SBF2: variants seen among roughly 807,000 people sequenced by gnomAD.
The protein encoded by SBF2 is SET binding factor 2.
A neutral mutation model predicts 225.2 loss-of-function variants in SBF2; 112 were observed. The ratio of observed to expected loss-of-function variants is 0.50; its 90% confidence interval spans 0.43 to 0.58. SBF2 has a LOEUF of 0.58. Ranked by LOEUF, SBF2 falls within the 20% of genes least tolerant of loss-of-function variation. The pLI is 0.00. For synonymous variants in SBF2, 763 were observed against 773.3 expected, an observed-to-expected ratio of 0.99 and a Z score of 0.22; for missense variants, 1,996 against 2,206.2, an observed-to-expected ratio of 0.90 and a Z score of 1.91.
chr11:10,230,818 G>T (rs2135433047), intron 1 of SBF2, among the ~76,000 whole-genome samples: 1 of 152,176 alleles, frequency 6.6e-6, no homozygotes, highest in East Asian at 1.9e-4. Context: ...GAGTATCTTT[G>T]TGGCGTTCTC....
At chr11:10,113,233 G>C (rs1342211156) in intron 2 of SBF2, among the ~76,000 whole-genome samples, 1 of 152,094 alleles carries the variant, frequency 6.6e-6, no homozygotes, top group Non-Finnish European at 1.5e-5. Flanking sequence ...GGCTCAAGCA[G>C]TCCTCCGAAA....
intron 1 of SBF2, among the ~76,000 whole-genome samples, chr11:10,225,571 T>C (rs1029403300): frequency 3.3e-5 from 5 of 152,280 alleles, no homozygotes; most frequent in Admixed American, 6.5e-5. Flanking sequence ...CATTTTTGTG[T>C]CTTGTATTAT....
In SBF2 at chr11:9,780,076, AT is replaced by A; in HGVS notation, c.*341del. The stretch of plus-strand genomic sequence containing the variant: ...TTATGACCTCAGAGAACAAAAAAGG[AT>A]CTATAGCTTTCATGAAGAAGGACCC... On this transcript the variant is annotated 3_prime_UTR_variant, in exon 40 of 40. Transcript: ENST00000256190. 1 of 346,852 alleles carries A rather than the reference AT, an allele frequency of 2.9e-6. No homozygotes were observed. Among genetic ancestry groups the A allele is most frequent in the Non-Finnish European group, 5.6e-6 (1 of 178,056 alleles). 21.5% of individuals were successfully genotyped at this position (346,852 alleles called of 1,614,324 possible).
chr11:10,055,743 G>C (rs1339715092), intron 2 of SBF2, among the ~76,000 whole-genome samples: 1 of 152,058 alleles, frequency 6.6e-6, no homozygotes, highest in Non-Finnish European at 1.5e-5. Context: ...GGCATACAGT[G>C]GTATAACGGA....
chr11:9,788,548 C>T (rs1045715520), intron 35 of SBF2, among the ~76,000 whole-genome samples: 1 of 151,326 alleles, frequency 6.6e-6, no homozygotes, highest in African/African-American at 2.4e-5. Context: ...GAGTAAATTG[C>T]TCTATTTGCT....
At chr11:10,133,140 C>T (rs1954156123) in intron 2 of SBF2, among the ~76,000 whole-genome samples, 1 of 149,338 alleles carries the variant, frequency 6.7e-6, no homozygotes, top group Non-Finnish European at 1.5e-5. Flanking sequence ...ACTCACAAAC[C>T]TTGAGCTAAA....
intron 2 of SBF2, among the ~76,000 whole-genome samples, chr11:10,130,601 CA>C (rs56703923): frequency 0.015 from 2,259 of 152,138 alleles, 46 homozygotes; most frequent in African/African-American, 0.039. Context: ...TTATCACATG[CA>C]TAGATCTGTG....
intron 16 of SBF2, among the ~76,000 whole-genome samples, chr11:9,921,651 G>A (rs1863642044): frequency 6.6e-6 from 1 of 152,054 alleles, no homozygotes; most frequent in Admixed American, 6.6e-5. Flanking sequence ...GTAAATTGTC[G>A]CCACATTTTT....
chr11:10,168,680 T>C (rs1388263478), intron 2 of SBF2, among the ~76,000 whole-genome samples: 2 of 152,244 alleles, frequency 1.3e-5, no homozygotes, highest in East Asian at 3.8e-4. Flanking sequence ...GAGTGGAAGA[T>C]ATTATTTATG....
At chr11:9,870,850 T>C (rs1858667233) in intron 17 of SBF2, among the ~76,000 whole-genome samples, 1 of 151,906 alleles carries the variant, frequency 6.6e-6, no homozygotes, top group Non-Finnish European at 1.5e-5. Flanking sequence ...GGCGCACGCC[T>C]GTAGTCCCAG....
intron 2 of SBF2, among the ~76,000 whole-genome samples, chr11:10,099,264 C>T (rs908493960): frequency 6.6e-6 from 1 of 152,062 alleles, no homozygotes; most frequent in African/African-American, 2.4e-5. Context: ...AGCCTATCCA[C>T]AAGCTTCTCC....
chr11:10,153,957 T>A (rs927068606), intron 2 of SBF2, among the ~76,000 whole-genome samples: 147 of 152,162 alleles, frequency 9.7e-4, no homozygotes, highest in African/African-American at 3.1e-3. Flanking sequence ...ACATTTTTTT[T>A]AAAAATCGGT....
chr11:9,876,039 G>A (rs74469856), intron 17 of SBF2, among the ~76,000 whole-genome samples: 11,948 of 151,964 alleles, frequency 0.079, 716 homozygotes, highest in East Asian at 0.29. Context: ...ACAGCTAGAC[G>A]GAGCAGTGCT....
At chr11:9,971,301 T>TTA (rs971662550) in intron 13 of SBF2, among the ~76,000 whole-genome samples, 259 of 151,960 alleles carry the variant, frequency 1.7e-3, no homozygotes, top group Non-Finnish European at 2.7e-3. Flanking sequence ...TTTTTTCTAG[T>TTA]TATATATATA....
chr11:10,106,615 C>G (rs1291266211), intron 2 of SBF2, among the ~76,000 whole-genome samples: 2 of 130,122 alleles, frequency 1.5e-5, no homozygotes, highest in African/African-American at 2.9e-5. Flanking sequence ...GGTGACAGAG[C>G]AAGACTCCGA....
At chr11:10,057,963 C>A (rs763781997) in intron 2 of SBF2, among the ~76,000 whole-genome samples, 4 of 151,928 alleles carry the variant, frequency 2.6e-5, no homozygotes, top group Non-Finnish European at 5.9e-5. Flanking sequence ...AAAGACCCTA[C>A]ACAAAGTCCT....
intron 1 of SBF2, among the ~76,000 whole-genome samples, chr11:10,288,519 A>G: frequency 6.6e-6 from 1 of 151,916 alleles, no homozygotes; most frequent in East Asian, 1.9e-4. Context: ...ACAGGTGTTC[A>G]GCTATCAGCA....
intron 2 of SBF2, among the ~76,000 whole-genome samples, chr11:10,110,682 T>C (rs551147962): frequency 1.3e-5 from 2 of 152,260 alleles, no homozygotes; most frequent in African/African-American, 4.8e-5. Context: ...CTCCATCATA[T>C]TAAGAGTTCA....
intron 21 of SBF2, among the ~76,000 whole-genome samples, chr11:9,851,146 A>C (rs576799096): frequency 2.7e-4 from 40 of 149,892 alleles, no homozygotes; most frequent in African/African-American, 6.6e-4. Flanking sequence ...AAAAAAAAAA[A>C]AAACAACAAC....
Sources: gnomAD v4.1 joint callset for allele counts (sites outside exome capture counted in the v4.1 genomes callset) on GRCh38, gnomAD v4.1.1 for gene constraint, MANE v1.5 for transcripts, NCBI Gene and HGNC (gene_info 2026-07-23, HGNC 2026-07-21) for gene names.